The following CCDC69 variants were observed in gnomAD, a reference collection of about 807,000 sequenced individuals.
CCDC69 encodes coiled-coil domain-containing protein 69.
CCDC69 carries 38 observed loss-of-function variants against 40.3 expected under a neutral mutation model. The observed-to-expected ratio is 0.94, with a 90% confidence interval of 0.73 to 1.24. CCDC69 has a LOEUF of 1.24. Among genes scored for constraint, CCDC69 ranks in the 50% most tolerant of loss-of-function variants. The pLI is 0.00. For missense variants in CCDC69, 389 were observed against 357.9 expected, an observed-to-expected ratio of 1.09 and a Z score of -0.70; for synonymous variants, 141 against 138.9, an observed-to-expected ratio of 1.02 and a Z score of -0.11.
Position 151,183,250 on chromosome 5 carries a change from A to C in CCDC69, c.*187T>G, listed in dbSNP as rs1306197846. On this transcript the variant is annotated 3_prime_UTR_variant, in exon 9 of 9. Coordinates refer to ENST00000355417, the MANE Select transcript of CCDC69 (RefSeq NM_015621.3). ...GGGAAGACGCTTCTCGGGGCCTCCAAAACCCTGTGGGTGATTCCATGTAAC... is the reference window on the plus strand; with the variant it reads ...GGGAAGACGCTTCTCGGGGCCTCCACAACCCTGTGGGTGATTCCATGTAAC... 9 of 751,610 alleles carry C rather than the reference A, an allele frequency of 1.2e-5. No individual in the cohort carries two copies. The East Asian group carries it at 2.4e-4, about 20-fold the overall frequency. The allele number at this position is 751,610 out of a possible 1,614,324, so 46.6% of individuals were successfully genotyped here.
intron 1 of CCDC69, among the ~76,000 whole-genome samples, chr5:151,216,078 C>T (rs1028954360): frequency 6.6e-6 from 1 of 152,238 alleles, no homozygotes; most frequent in Admixed American, 6.5e-5. Flanking sequence ...CCTGCCTCAG[C>T]CTCCCCAGTA....
intron 1 of CCDC69, among the ~76,000 whole-genome samples, chr5:151,218,003 T>C (rs1753074387): frequency 6.6e-6 from 1 of 151,914 alleles, no homozygotes; most frequent in African/African-American, 2.4e-5. Context: ...AAAACTCCAT[T>C]GCAGAGAGGA....
At chr5:151,204,178 C>A (rs1274695761) in intron 2 of CCDC69, among the ~76,000 whole-genome samples, 1 of 151,882 alleles carries the variant, frequency 6.6e-6, no homozygotes. Context: ...TACAGGCACA[C>A]CGCCACTCCA....
intron 4 of CCDC69, among the ~76,000 whole-genome samples, chr5:151,192,488 T>C (rs1752628080): frequency 6.6e-6 from 1 of 151,558 alleles, no homozygotes; most frequent in Non-Finnish European, 1.5e-5. Context: ...GTGAAGTATA[T>C]AACCTGAAAT....
intron 4 of CCDC69, 97 bp from the exon 5 acceptor site, chr5:151,187,556 G>A (rs1561598048): frequency 2.2e-6 from 2 of 906,784 alleles, no homozygotes; most frequent in East Asian, 4.9e-5. Context: ...ATTTAACTGG[G>A]GCCCATAGAG....
intron 4 of CCDC69, among the ~76,000 whole-genome samples, chr5:151,198,268 C>T (rs901507761): frequency 1.3e-5 from 2 of 151,826 alleles, no homozygotes; most frequent in African/African-American, 4.9e-5. Context: ...GACCCAGGGA[C>T]TGGAGCTCTA....
At chr5:151,219,030 G>T (rs1017771283) in intron 1 of CCDC69, among the ~76,000 whole-genome samples, 1 of 152,216 alleles carries the variant, frequency 6.6e-6, no homozygotes, top group African/African-American at 2.4e-5. Context: ...GTGCATGGAA[G>T]CCTGTACTGG....
At chr5:151,204,077 T>C (rs990283316) in intron 2 of CCDC69, among the ~76,000 whole-genome samples, 11 of 151,810 alleles carry the variant, frequency 7.2e-5, no homozygotes, top group African/African-American at 2.7e-4. Context: ...TTGCCCAGGT[T>C]GGAGTGCAGT....
At chr5:151,219,475 C>G (rs971380223) in intron 1 of CCDC69, among the ~76,000 whole-genome samples, 8 of 152,042 alleles carry the variant, frequency 5.3e-5, no homozygotes, top group Non-Finnish European at 7.4e-5. Context: ...AAGAACCACG[C>G]GTCCAAACCG....
At position 151,182,920 on chromosome 5, in the gene CCDC69, C is replaced by T. The variant is rs1190876387; in HGVS notation, c.*517G>A. 6 of 393,428 alleles carry T rather than the reference C, an allele frequency of 1.5e-5. No individual in the cohort carries two copies. The highest frequency in any genetic ancestry group is 2.1e-5 in the African/African-American group (1 of 48,260). 24.4% of individuals were successfully genotyped at this position (393,428 alleles called of 1,614,324 possible). The stretch of plus-strand genomic sequence containing the variant: ...CCCAACCCCTACTCTGGCCTTCAGA[C>T]AATCCTAGAATGGGACACTGCAGTG... On this transcript the variant is annotated 3_prime_UTR_variant, in exon 9 of 9. Transcript: ENST00000355417.
At chr5:151,192,087 GAAA>G (rs34310340) in intron 4 of CCDC69, among the ~76,000 whole-genome samples, 1 of 38,796 alleles carries the variant, frequency 2.6e-5, no homozygotes, top group Non-Finnish European at 4.2e-5. Context: ...CCTGTCTCAG[GAAA>G]AAAAAAAAAA....
chr5:151,186,039 T>C lies in CCDC69; in HGVS notation c.479A>G (p.Tyr160Cys), dbSNP rs1018534169. The C allele has an allele frequency of 3.1e-6, 5 of 1,613,618 alleles. No individual in the cohort carries two copies. In the African/African-American group the frequency reaches 5.3e-5, roughly 17 times the overall value. The change falls in exon 6 of 9, where the codon TAT becomes TGT. Residue 160 changes from tyrosine to cysteine, a missense_variant. Coordinates refer to ENST00000355417, the MANE Select transcript of CCDC69 (RefSeq NM_015621.3). ...RVEESILSRN[Y>C]KKHIQDYGSP... ...GCCACCTACCTGGATATGTTTCTTA[T>C]AGTTTCGGCTCAGAATGGACTCCTC... is the stretch of plus-strand genomic sequence containing the variant.
chr5:151,216,698 GAGCCA>G (rs1753048628), intron 1 of CCDC69, among the ~76,000 whole-genome samples: 3 of 152,160 alleles, frequency 2.0e-5, no homozygotes, highest in Admixed American at 6.5e-5. Flanking sequence ...TTACAGGCGT[GAGCCA>G]CCACGCCTGG....
At chr5:151,192,066 C>T (rs1752619887) in intron 4 of CCDC69, among the ~76,000 whole-genome samples, 1 of 88,450 alleles carries the variant, frequency 1.1e-5, no homozygotes, top group African/African-American at 4.6e-5. Flanking sequence ...GCCTGGGAGA[C>T]AGAGCAAAAC....
chr5:151,198,299 T>G (rs535924386), intron 4 of CCDC69, among the ~76,000 whole-genome samples: 2,717 of 120,574 alleles, frequency 0.023, 47 homozygotes, highest in Admixed American at 0.03. Flanking sequence ...TTGATCTATC[T>G]ATCTATCTAT....
At chr5:151,215,642 C>T (rs1011202136) in intron 1 of CCDC69, 27 of 426,482 alleles carry the variant, frequency 6.3e-5, no homozygotes, top group Non-Finnish European at 1.2e-4. Flanking sequence ...CCCTGTTCTT[C>T]AGCAGACAGT....
In CCDC69 at chr5:151,224,035, G is replaced by C; in HGVS notation, c.-65C>G. On this transcript the variant is annotated 5_prime_UTR_variant, in exon 1 of 9. Transcript: ENST00000355417. ...GGGCCCCCAGAGGAGCCTGCGATCCGGGCCCCGCTGCCCGCTCCGCGCCCG... is the reference window on the plus strand; with the variant it reads ...GGGCCCCCAGAGGAGCCTGCGATCCCGGCCCCGCTGCCCGCTCCGCGCCCG... 2 of 1,405,358 alleles carry C rather than the reference G, an allele frequency of 1.4e-6. No homozygotes were observed. Among genetic ancestry groups the C allele is most frequent in the South Asian group, 2.7e-5 (2 of 75,332 alleles). The allele number at this position is 1,405,358 out of a possible 1,614,324, so 87.1% of individuals were successfully genotyped here.
chr5:151,221,863 A>G (rs1753139559), intron 1 of CCDC69, among the ~76,000 whole-genome samples: 1 of 152,228 alleles, frequency 6.6e-6, no homozygotes, highest in African/African-American at 2.4e-5. Context: ...TTGGGGATGA[A>G]CTTGGGAGCT....
rs115640747 is a variant in CCDC69 at position 151,183,526 on chromosome 5, G to T, written c.802C>A (p.Leu268Met). Residue 268 changes from leucine (L) to methionine (M), a missense_variant, in exon 9 of 9, where the codon CTG becomes ATG. Transcript: ENST00000355417. ...TTGGCCCCAAGGACCCGGTACAACA[G>T]CTCCTCCTTCTCCTGCTGGAGCTGT... is the stretch of plus-strand genomic sequence containing the variant. ...RRQLQQEKEE[L>M]LYRVLGANAS... 21 of 1,610,056 alleles carry T rather than the reference G, an allele frequency of 1.3e-5. No individual in the cohort carries two copies. Among genetic ancestry groups the T allele is most frequent in the Non-Finnish European group, 1.7e-5 (20 of 1,178,838 alleles).
Sources: gnomAD v4.1 joint callset for allele counts (sites outside exome capture counted in the v4.1 genomes callset) on GRCh38, gnomAD v4.1.1 for gene constraint, MANE v1.5 for transcripts, NCBI Gene and HGNC (gene_info 2026-07-23, HGNC 2026-07-21) for gene names.